Variants in CACNB2 observed in about 807,000 individuals in gnomAD.
The protein encoded by CACNB2 is calcium voltage-gated channel auxiliary subunit beta 2.
A neutral mutation model predicts 73.3 loss-of-function variants in CACNB2; 42 were observed. The ratio of observed to expected loss-of-function variants is 0.57; its 90% CI spans 0.45 to 0.74. The LOEUF (loss-of-function observed/expected upper bound fraction) is 0.74, where lower values mean the gene tolerates loss of function less well. Among genes scored for constraint, CACNB2 ranks in the 30% least tolerant of loss-of-function variants. CACNB2 has a pLI of 0.00. For synonymous variants in CACNB2, 348 were observed against 310.3 expected (o/e 1.12, Z -1.28); for missense variants, 940 against 853.0 (o/e 1.10, Z -1.27).
At chr10:18,459,608 T>A (rs2047457464) in intron 3 of CACNB2, among the ~76,000 whole-genome samples, 1 of 152,232 alleles carries the variant, frequency 6.6e-6, no homozygotes, top group African/African-American at 2.4e-5. Flanking sequence ...TATTTCTCCC[T>A]TTTTTATTAT....
chr10:18,396,461 G>A (rs1342306190), intron 2 of CACNB2, among the ~76,000 whole-genome samples: 1 of 152,108 alleles, frequency 6.6e-6, no homozygotes, highest in Non-Finnish European at 1.5e-5. Context: ...GCCCGCTGAA[G>A]TCTATCCCAT....
At chr10:18,437,874 C>T (rs1411193928) in intron 3 of CACNB2, among the ~76,000 whole-genome samples, 2 of 151,722 alleles carry the variant, frequency 1.3e-5, no homozygotes, top group East Asian at 3.9e-4. Context: ...TTTTTGTAAT[C>T]GAGGCAAATT....
intron 9 of CACNB2, among the ~76,000 whole-genome samples, chr10:18,524,512 G>C (rs1294854414): frequency 6.6e-6 from 1 of 151,684 alleles, no homozygotes; most frequent in African/African-American, 2.4e-5. Flanking sequence ...AAAATTAGCT[G>C]GGCACAATGG....
intron 3 of CACNB2, among the ~76,000 whole-genome samples, chr10:18,430,220 T>C (rs1050142530): frequency 1.3e-5 from 2 of 151,780 alleles, no homozygotes; most frequent in Non-Finnish European, 2.9e-5. Context: ...TCAACAGACA[T>C]CCAGGGTACT....
chr10:18,343,669 G>C (rs1433694151), intron 2 of CACNB2, among the ~76,000 whole-genome samples: 1 of 152,136 alleles, frequency 6.6e-6, no homozygotes, highest in East Asian at 1.9e-4. Flanking sequence ...ATCCCAAACT[G>C]TGATACTTCT....
chr10:18,533,048 T>C (rs1262272575), intron 10 of CACNB2: 1 of 152,024 alleles, frequency 6.6e-6, no homozygotes, highest in African/African-American at 2.4e-5. Flanking sequence ...TTTTCTTCAA[T>C]AAGGTACTAG....
At chr10:18,171,543 A>AAAAAAAAAAAAAAAAAAAAAAAAG (rs1564314409) in intron 2 of CACNB2, among the ~76,000 whole-genome samples, 1 of 138,826 alleles carries the variant, frequency 7.2e-6, no homozygotes, top group African/African-American at 3.2e-5. Context: ...AAAAAAAAAA[A>AAAAAAAAAAAAAAAAAAAAAAAAG]AAAAAAGGCT....
intron 6 of CACNB2, among the ~76,000 whole-genome samples, chr10:18,511,507 C>T (rs2050782735): frequency 1.3e-5 from 2 of 152,136 alleles, no homozygotes; most frequent in Admixed American, 1.3e-4. Flanking sequence ...CTTGTGTATC[C>T]CAGGGAATGG....
At chr10:18,343,036 A>T (rs1163612143) in intron 2 of CACNB2, among the ~76,000 whole-genome samples, 1 of 152,204 alleles carries the variant, frequency 6.6e-6, no homozygotes, top group Non-Finnish European at 1.5e-5. Flanking sequence ...TACCCATTTA[A>T]TTCTCATTGT....
intron 2 of CACNB2, among the ~76,000 whole-genome samples, chr10:18,223,991 A>ATTTTTT (rs11310932): frequency 4.8e-4 from 70 of 147,022 alleles, no homozygotes; most frequent in South Asian, 6.4e-4. Flanking sequence ...TAAGGGGTCT[A>ATTTTTT]TTTTTTTTTT....
chr10:18,330,465 T>C (rs2040755866), intron 2 of CACNB2, among the ~76,000 whole-genome samples: 1 of 151,932 alleles, frequency 6.6e-6, no homozygotes, highest in Non-Finnish European at 1.5e-5. Context: ...ATCCTGAGCA[T>C]AGCAAGACTC....
intron 3 of CACNB2, among the ~76,000 whole-genome samples, chr10:18,473,810 T>C (rs1287469696): frequency 3.3e-5 from 5 of 152,204 alleles, no homozygotes; most frequent in South Asian, 2.1e-4. Context: ...AAAACTGCCA[T>C]CTAAAGTGAA....
At chr10:18,312,602 T>C (rs1385637204) in intron 2 of CACNB2, among the ~76,000 whole-genome samples, 1 of 152,176 alleles carries the variant, frequency 6.6e-6, no homozygotes, top group Non-Finnish European at 1.5e-5. Context: ...AGGTGTGGGG[T>C]GGCAGGATGC....
At position 18,539,737 on chromosome 10, in the gene CACNB2, T is replaced by G; in HGVS notation, c.*13T>G. On this transcript the variant is annotated 3_prime_UTR_variant, in exon 14 of 14. Transcript: ENST00000324631. ...CATCCGCCAATGAGTTTTGCCCGTT[T>G]GTGTTTTTTTTTTTTTTTTTTTGAA... 6.4e-7 allele frequency: 1 copy of G among 1,554,926 alleles called. No homozygotes were observed. Among genetic ancestry groups the G allele is most frequent in the African/African-American group, 1.6e-5 (1 of 61,658 alleles).
intron 3 of CACNB2, among the ~76,000 whole-genome samples, chr10:18,403,234 C>T (rs1356749569): frequency 6.6e-6 from 1 of 152,162 alleles, no homozygotes; most frequent in Non-Finnish European, 1.5e-5. Flanking sequence ...TAAAACTGGA[C>T]GTGGCCCAGT....
chr10:18,533,228 GTAA>G (rs2053239279), intron 10 of CACNB2: 1 of 152,208 alleles, frequency 6.6e-6, no homozygotes, highest in African/African-American at 2.4e-5. Context: ...ATGCTGCCTA[GTAA>G]TAGTAGCTTC....
intron 2 of CACNB2, among the ~76,000 whole-genome samples, chr10:18,299,627 A>G (rs549266768): frequency 2.6e-4 from 40 of 152,210 alleles, no homozygotes; most frequent in African/African-American, 9.4e-4. Flanking sequence ...GGGAGGATCA[A>G]TTGAGCCTGG....
chr10:18,427,031 C>T lies in CACNB2; in HGVS notation c.333+24988C>T, dbSNP rs1304512521. Reference sequence around the variant, plus strand: ...AGTGCAGTGGTGCGATCTCGGCTCACGGCAACCTCCGCCTCCCGGGTTCAA... The same window carrying T: ...AGTGCAGTGGTGCGATCTCGGCTCATGGCAACCTCCGCCTCCCGGGTTCAA... On this transcript the variant is annotated intron_variant, in intron 3 of 13. Coordinates refer to ENST00000324631, the MANE Select transcript of CACNB2 (RefSeq NM_201596.3). 5.6e-5 allele frequency among the ~76,000 whole-genome samples: 8 copies of T among 142,100 alleles called. No homozygotes were observed. The East Asian group carries it at 1.5e-3, about 27-fold the overall frequency. 93.2% of individuals were successfully genotyped at this position (142,100 alleles called of 152,430 possible).
At chr10:18,448,165 A>G (rs2046828776) in intron 3 of CACNB2, among the ~76,000 whole-genome samples, 1 of 152,062 alleles carries the variant, frequency 6.6e-6, no homozygotes, top group South Asian at 2.1e-4. Flanking sequence ...ACCTACTACT[A>G]AAATCCCTGG....
Sources: gnomAD v4.1 joint callset for allele counts (sites outside exome capture counted in the v4.1 genomes callset) on GRCh38, gnomAD v4.1.1 for gene constraint, MANE v1.5 for transcripts, NCBI Gene and HGNC (gene_info 2026-07-23, HGNC 2026-07-21) for gene names.